The following PRKG1 variants were observed in gnomAD, a reference collection of about 807,000 sequenced individuals.
PRKG1 encodes the protein protein kinase cGMP-dependent 1.
Under a neutral mutation model 88.1 loss-of-function variants are expected in PRKG1, and 35 were observed. The ratio of observed to expected loss-of-function variants is 0.40; its 90% CI spans 0.30 to 0.53. PRKG1 has a LOEUF of 0.53. Among genes scored for constraint, PRKG1 ranks in the 20% least tolerant of loss-of-function variants. The pLI, the probability that PRKG1 is intolerant of heterozygous loss-of-function variation, is 0.59. For missense variants in PRKG1, 540 were observed against 839.8 expected, an observed-to-expected ratio of 0.64 and a Z score of 4.41; for synonymous variants, 303 against 292.5, an observed-to-expected ratio of 1.04 and a Z score of -0.37.
intron 4 of PRKG1, among the ~76,000 whole-genome samples, chr10:51,862,857 A>G (rs1012010395): frequency 9.2e-5 from 14 of 152,212 alleles, no homozygotes; most frequent in African/African-American, 2.7e-4. Context: ...AATGAGATGT[A>G]TATAAATCCT....
At chr10:51,195,278 T>C (rs78416318) in intron 2 of PRKG1, among the ~76,000 whole-genome samples, 66 of 152,376 alleles carry the variant, frequency 4.3e-4, no homozygotes, top group African/African-American at 1.6e-3. Flanking sequence ...TATAATGAAG[T>C]ATCTTTGAAT....
intron 5 of PRKG1, among the ~76,000 whole-genome samples, chr10:51,961,739 C>T (rs1564729626): frequency 6.6e-6 from 1 of 152,166 alleles, no homozygotes; most frequent in Non-Finnish European, 1.5e-5. Flanking sequence ...GAATGTATTT[C>T]TGGTTAGCTT....
intron 2 of PRKG1, among the ~76,000 whole-genome samples, chr10:51,229,542 T>C (rs1222686733): frequency 6.6e-6 from 1 of 152,202 alleles, no homozygotes; most frequent in Non-Finnish European, 1.5e-5. Context: ...CAAGTTTGCT[T>C]ATGAGCTTTT....
chr10:52,019,848 T>C (rs1464608749), intron 5 of PRKG1, among the ~76,000 whole-genome samples: 1 of 152,154 alleles, frequency 6.6e-6, no homozygotes, highest in Admixed American at 6.6e-5. Flanking sequence ...GGCCCCCAAG[T>C]AAGATAAAAT....
intron 4 of PRKG1, among the ~76,000 whole-genome samples, chr10:51,891,207 T>C (rs963273667): frequency 9.9e-5 from 15 of 152,156 alleles, no homozygotes; most frequent in African/African-American, 3.4e-4. Context: ...GAGGCTACAG[T>C]GAACTATGAT....
chr10:51,224,420 A>G (rs149634387), intron 2 of PRKG1, among the ~76,000 whole-genome samples: 130 of 152,356 alleles, frequency 8.5e-4, no homozygotes, highest in Middle Eastern at 3.4e-3. Flanking sequence ...GTCATTGTCT[A>G]GCAATGAATA....
chr10:51,547,275 C>T lies in PRKG1; in HGVS notation c.592+79439C>T, dbSNP rs1200643825. Among the ~76,000 whole-genome samples, 2 of 151,966 alleles carry T rather than the reference C, an allele frequency of 1.3e-5. 1 individual carries two copies. Among genetic ancestry groups the T allele is most frequent in the Non-Finnish European group, 2.9e-5 (2 of 67,996 alleles). On this transcript the variant is annotated intron_variant, in intron 3 of 17. Coordinates refer to ENST00000373980, the MANE Select transcript of PRKG1 (RefSeq NM_006258.4). The stretch of plus-strand genomic sequence containing the variant: ...CCTATCAGTAAGAACTTTCATTGAT[C>T]CTATAAAATATATCAGTCAAAACAT...
intron 4 of PRKG1, among the ~76,000 whole-genome samples, chr10:51,851,612 T>A (rs974989756): frequency 1.3e-5 from 2 of 152,202 alleles, no homozygotes; most frequent in Non-Finnish European, 2.9e-5. Flanking sequence ...TATTCCAAAA[T>A]TAATTTTAAA....
chr10:51,230,227 G>A (rs1838806781), intron 2 of PRKG1, among the ~76,000 whole-genome samples: 1 of 152,098 alleles, frequency 6.6e-6, no homozygotes, highest in African/African-American at 2.4e-5. Flanking sequence ...ATAGGTAAAT[G>A]TTCAAGATAC....
chr10:51,742,758 G>T (rs976954683), intron 3 of PRKG1, among the ~76,000 whole-genome samples: 6 of 152,074 alleles, frequency 3.9e-5, no homozygotes, highest in Non-Finnish European at 4.4e-5. Context: ...GGAGAAATTT[G>T]GGAGAAATCA....
intron 3 of PRKG1, among the ~76,000 whole-genome samples, chr10:51,718,346 C>T (rs866316777): frequency 6.6e-6 from 1 of 152,114 alleles, no homozygotes. Context: ...GTCCAACAAG[C>T]TCAAGTGAAG....
At chr10:52,116,988 A>G (rs576453825) in intron 7 of PRKG1, among the ~76,000 whole-genome samples, 1 of 152,274 alleles carries the variant, frequency 6.6e-6, no homozygotes, top group East Asian at 1.9e-4. Context: ...CTCTCATTGT[A>G]AAGATATCCT....
chr10:51,870,366 T>C (rs1318654194), intron 4 of PRKG1, among the ~76,000 whole-genome samples: 5 of 152,064 alleles, frequency 3.3e-5, no homozygotes, highest in African/African-American at 1.2e-4. Context: ...TTTAGTAATG[T>C]GATAAATATC....
intron 3 of PRKG1, among the ~76,000 whole-genome samples, chr10:51,772,523 A>T (rs1838329382): frequency 1.3e-5 from 2 of 152,126 alleles, no homozygotes; most frequent in Admixed American, 1.3e-4. Flanking sequence ...ACGTGAATAT[A>T]TTCATACAGA....
intron 1 of PRKG1, among the ~76,000 whole-genome samples, chr10:50,993,377 A>G (rs1304882607): frequency 1.3e-5 from 2 of 152,204 alleles, no homozygotes; most frequent in East Asian, 3.9e-4. Context: ...CTTGCCTTGA[A>G]AGTCCCTGTT....
At chr10:51,849,441 C>T (rs1048133645) in intron 4 of PRKG1, among the ~76,000 whole-genome samples, 5 of 152,128 alleles carry the variant, frequency 3.3e-5, no homozygotes, top group Admixed American at 2.6e-4. Flanking sequence ...CTGGTCTTAT[C>T]TTGATTCGCT....
intron 2 of PRKG1, among the ~76,000 whole-genome samples, chr10:51,458,231 G>C (rs1036222229): frequency 6.6e-6 from 1 of 152,144 alleles, no homozygotes. Context: ...ACTGGGTGAA[G>C]TAAGTTATAG....
intron 9 of PRKG1, among the ~76,000 whole-genome samples, chr10:52,171,664 GAA>G (rs1042405256): frequency 1.3e-5 from 2 of 151,304 alleles, no homozygotes; most frequent in African/African-American, 2.4e-5. Context: ...TGACTGCAGA[GAA>G]TATCAAAATC....
intron 2 of PRKG1, among the ~76,000 whole-genome samples, chr10:51,426,379 G>A (rs1319287670): frequency 6.6e-6 from 1 of 152,172 alleles, no homozygotes; most frequent in Non-Finnish European, 1.5e-5. Flanking sequence ...CACTGCATTA[G>A]GCACCAGGGA....
Sources: gnomAD v4.1 joint callset for allele counts (sites outside exome capture counted in the v4.1 genomes callset) on GRCh38, gnomAD v4.1.1 for gene constraint, MANE v1.5 for transcripts, NCBI Gene and HGNC (gene_info 2026-07-23, HGNC 2026-07-21) for gene names.